Variants in PELI1 observed in about 807,000 individuals in gnomAD.
The protein encoded by PELI1 is pellino E3 ubiquitin protein ligase 1.
In PELI1, 15 loss-of-function variants were observed where a neutral mutation model predicts 41.3. The observed-to-expected ratio is 0.36, with a 90% CI of 0.24 to 0.56. PELI1 has a LOEUF of 0.56. Ranked by LOEUF, PELI1 falls within the 20% of genes least tolerant of loss-of-function variation. The probability of loss-of-function intolerance (pLI) is 0.82; values close to 1 mark genes in which losing one functional copy is unlikely to be tolerated. For missense variants in PELI1, 403 were observed against 525.5 expected (o/e 0.77, Z 2.28); for synonymous variants, 178 against 180.1 (o/e 0.99, Z 0.09).
chr2:64,127,715 T>C (rs901925034), intron 1 of PELI1, among the ~76,000 whole-genome samples: 2 of 152,180 alleles, frequency 1.3e-5, no homozygotes, highest in Non-Finnish European at 2.9e-5. Flanking sequence ...ACTATAATTC[T>C]TTTCTATGTT....
intron 2 of PELI1, among the ~76,000 whole-genome samples, chr2:64,107,470 C>T (rs1680657827): frequency 6.6e-6 from 1 of 152,162 alleles, no homozygotes; most frequent in South Asian, 2.1e-4. Context: ...TCACCATACA[C>T]ATATACAACT....
intron 2 of PELI1, among the ~76,000 whole-genome samples, chr2:64,106,848 C>T (rs1425177198): frequency 6.6e-6 from 1 of 152,210 alleles, no homozygotes; most frequent in Admixed American, 6.5e-5. Context: ...ACCTGACTCT[C>T]AAACATACCG....
intron 1 of PELI1, among the ~76,000 whole-genome samples, chr2:64,122,172 CA>C (rs1681241615): frequency 6.6e-6 from 1 of 151,452 alleles, no homozygotes; most frequent in East Asian, 1.9e-4. Context: ...TCAAAGTTAC[CA>C]AACTTTGGCA....
At chr2:64,125,809 T>C (rs1681365063) in intron 1 of PELI1, among the ~76,000 whole-genome samples, 1 of 152,186 alleles carries the variant, frequency 6.6e-6, no homozygotes, top group Non-Finnish European at 1.5e-5. Context: ...ACCTGAAATT[T>C]TTGAGCAACA....
At chr2:64,127,888 C>T (rs1316346095) in intron 1 of PELI1, among the ~76,000 whole-genome samples, 1 of 152,072 alleles carries the variant, frequency 6.6e-6, no homozygotes, top group Non-Finnish European at 1.5e-5. Context: ...CAACTCTCCA[C>T]CTTAGTTTAT....
intron 1 of PELI1, among the ~76,000 whole-genome samples, chr2:64,117,345 A>AT (rs556250754): frequency 0.072 from 10,381 of 145,138 alleles, 563 homozygotes; most frequent in African/African-American, 0.17. Context: ...AGTAAGTTCT[A>AT]TTTTTTTTTT....
chr2:64,115,419 A>G (rs1457699072), intron 1 of PELI1, among the ~76,000 whole-genome samples: 1 of 152,220 alleles, frequency 6.6e-6, no homozygotes, highest in East Asian at 1.9e-4. Context: ...GAACTTGCAT[A>G]GAATGGTAAT....
chr2:64,101,764 G>A (rs981472341), intron 3 of PELI1, among the ~76,000 whole-genome samples: 4 of 149,946 alleles, frequency 2.7e-5, no homozygotes, highest in African/African-American at 4.9e-5. Flanking sequence ...TCCAAATATA[G>A]AAGAGATTAT....
At chr2:64,124,940 C>T (rs570665226) in intron 1 of PELI1, among the ~76,000 whole-genome samples, 1 of 152,184 alleles carries the variant, frequency 6.6e-6, no homozygotes, top group African/African-American at 2.4e-5. Context: ...GGGGTTCCCA[C>T]AACCCCCTCC....
At chr2:64,120,254 T>C (rs1299502893) in intron 1 of PELI1, among the ~76,000 whole-genome samples, 1 of 152,214 alleles carries the variant, frequency 6.6e-6, no homozygotes, top group South Asian at 2.1e-4. Context: ...TTCTAGAAAG[T>C]ACTGCCTGCT....
At chr2:64,136,687 G>C (rs1020803042) in intron 1 of PELI1, among the ~76,000 whole-genome samples, 12 of 152,230 alleles carry the variant, frequency 7.9e-5, no homozygotes, top group African/African-American at 2.9e-4. Context: ...AGTGGATCAC[G>C]AGGTCAGGAG....
chr2:64,121,034 TC>T (rs1051499737), intron 1 of PELI1, among the ~76,000 whole-genome samples: 1 of 152,166 alleles, frequency 6.6e-6, no homozygotes, highest in African/African-American at 2.4e-5. Context: ...CTGAAGCAGT[TC>T]TGTAAATCTG....
Position 64,109,960 on chromosome 2 carries a change from A to T in PELI1, c.-69-1581T>A, listed in dbSNP as rs1217881994. On this transcript the variant is annotated intron_variant, in intron 1 of 6. Transcript: ENST00000358912. Reference sequence around the variant, plus strand: ...AGAAAGAGTAAAGCTGAAAAAATAAAGAGGCTGGGAGCAGTGGCTCACGCC... The same window carrying T: ...AGAAAGAGTAAAGCTGAAAAAATAATGAGGCTGGGAGCAGTGGCTCACGCC... 3.9e-5 allele frequency among the ~76,000 whole-genome samples: 6 copies of T among 152,122 alleles called. No individual in the cohort carries two copies. The East Asian group carries it at 1.2e-3, about 29-fold the overall frequency.
intron 1 of PELI1, among the ~76,000 whole-genome samples, chr2:64,111,765 A>T (rs753945068): frequency 5.9e-5 from 9 of 152,218 alleles, no homozygotes; most frequent in Admixed American, 3.9e-4. Flanking sequence ...CTTCTGATAT[A>T]CATGAAATCA....
Position 64,094,886 on chromosome 2 carries a change from C to T in PELI1, c.1073G>A (p.Gly358Asp). The change falls in exon 7 of 7, where the codon GGC (glycine) becomes GAC (aspartate). Residue 358 changes from glycine (G) to aspartate (D), a missense_variant. Physicochemically the swap from Gly to Asp is moderately conservative, Grantham distance 94. Transcript: ENST00000358912. ...CGGGCTAAACGCATGGGTTGGAGGG[C>T]CGGCGTCCACATAAAATCCAGCTTC... ...GCEAGFYVDA[G>D]PPTHAFSPCG... is the part of the protein sequence containing the mutation. 1 of 1,614,122 alleles carries T rather than the reference C, an allele frequency of 6.2e-7. No individual in the cohort carries two copies. The highest frequency in any genetic ancestry group is 8.5e-7 in the Non-Finnish European group (1 of 1,180,018).
At chr2:64,116,101 A>G (rs577924848) in intron 1 of PELI1, among the ~76,000 whole-genome samples, 45 of 152,324 alleles carry the variant, frequency 3.0e-4, no homozygotes, top group African/African-American at 9.9e-4. Context: ...AAACATACAC[A>G]TTAGAAGTGA....
rs778196037 is a variant in PELI1 at position 64,096,490 on chromosome 2, T to C, written c.424A>G (p.Ile142Val). 2.5e-6 allele frequency: 4 copies of C among 1,613,242 alleles called. No individual in the cohort carries two copies. The highest frequency in any genetic ancestry group is 1.3e-5 in the African/African-American group (1 of 74,918). ...GTAAAGGGAGGATTCCGTTCACATATGATTCTGCAGGCAAATCTTGATATA... is the reference window on the plus strand; with the variant it reads ...GTAAAGGGAGGATTCCGTTCACATACGATTCTGCAGGCAAATCTTGATATA... Reference protein sequence around the residue: ...STISRFACRIICERNPPFTAR... With the variant: ...STISRFACRIVCERNPPFTAR... Residue 142 changes from isoleucine (I) to valine (V), a missense_variant, in exon 5 of 7, where the codon ATA becomes GTA. Coordinates refer to ENST00000358912, the MANE Select transcript of PELI1 (RefSeq NM_020651.4).
chr2:64,115,821 C>T (rs4671081), intron 1 of PELI1, among the ~76,000 whole-genome samples: 46,947 of 152,006 alleles, frequency 0.31, 7,900 homozygotes, highest in East Asian at 0.77. Context: ...AATGTATTCA[C>T]ATGTAAAATA....
intron 1 of PELI1, chr2:64,143,512 G>C (rs894845663): frequency 1.3e-5 from 2 of 152,108 alleles, no homozygotes; most frequent in Non-Finnish European, 2.9e-5. Flanking sequence ...GGAAACGGGC[G>C]TATTAACTTG....
Sources: allele counts gnomAD v4.1 joint callset (sites outside exome capture counted in the v4.1 genomes callset), GRCh38; gene constraint gnomAD v4.1.1; transcripts MANE v1.5; gene names NCBI Gene and HGNC (gene_info 2026-07-23, HGNC 2026-07-21).